Variants in UGT1A7 observed in about 807,000 individuals in gnomAD.
UGT1A7 encodes UDP glucuronosyltransferase family 1 member A7.
In UGT1A7, 33 loss-of-function variants were observed where a neutral mutation model predicts 45.6. The observed-to-expected ratio is 0.72, with a 90% CI of 0.55 to 0.97. The LOEUF (loss-of-function observed/expected upper bound fraction) is 0.97. Ranked by LOEUF, UGT1A7 falls within the 50% of genes least tolerant of loss-of-function variation. UGT1A7 has a pLI of 0.00. For synonymous variants in UGT1A7, 274 were observed against 250.6 expected, an observed-to-expected ratio of 1.09 and a Z score of -0.88; for missense variants, 684 against 666.2, an observed-to-expected ratio of 1.03 and a Z score of -0.29.
intron 3 of UGT1A7, 43 bp from the exon 4 acceptor site, chr2:233,768,177 T>A (rs371628620): frequency 6.8e-6 from 11 of 1,613,824 alleles, no homozygotes; most frequent in Non-Finnish European, 9.3e-6. Flanking sequence ...GCTGTGAAAC[T>A]CAGAGATGTA....
chr2:233,757,382 C>T (rs1017517189), intron 1 of UGT1A7, among the ~76,000 whole-genome samples: 3 of 151,230 alleles, frequency 2.0e-5, no homozygotes, highest in African/African-American at 7.3e-5. Flanking sequence ...AGATTCAGCA[C>T]TTACTTGCTG....
chr2:233,719,044 T>C (rs2076716677), intron 1 of UGT1A7: 2 of 1,614,154 alleles, frequency 1.2e-6, no homozygotes, highest in African/African-American at 1.3e-5. Flanking sequence ...GAGAAATTTT[T>C]CACCCTGACA....
chr2:233,740,052 T>C (rs368597738), intron 1 of UGT1A7, among the ~76,000 whole-genome samples: 5 of 151,870 alleles, frequency 3.3e-5, no homozygotes, highest in African/African-American at 1.2e-4. Context: ...CTTTCTCCTT[T>C]ACTCACAAGC....
chr2:233,719,370 G>T, intron 1 of UGT1A7: 1 of 1,613,830 alleles, frequency 6.2e-7, no homozygotes. Context: ...AGACTTTAAG[G>T]GCACACAGTG....
At chr2:233,738,868 CT>C (rs1348396739) in intron 1 of UGT1A7, 1 of 152,334 alleles carries the variant, frequency 6.6e-6, no homozygotes, top group South Asian at 2.1e-4. Flanking sequence ...GGGAAAATGG[CT>C]CCAGGGCATG....
In UGT1A7 at chr2:233,727,075, A is replaced by C. The variant is rs1559371928; in HGVS notation, c.856-39959A>C. 2.0e-5 allele frequency among the ~76,000 whole-genome samples: 3 copies of C among 152,212 alleles called. No individual in the cohort carries two copies. The South Asian group carries it at 6.2e-4, about 32-fold the overall frequency. On this transcript the variant is annotated intron_variant, in intron 1 of 4. Transcript: ENST00000373426. Reference sequence around the variant, plus strand: ...TGAAGATTAGTTTCTGTGTTCTCTTACAAACATTAAAGAATTCCAGTTTGT... The same window carrying C: ...TGAAGATTAGTTTCTGTGTTCTCTTCCAAACATTAAAGAATTCCAGTTTGT...
chr2:233,708,997 C>T (rs897190576), intron 1 of UGT1A7, among the ~76,000 whole-genome samples: 18 of 152,144 alleles, frequency 1.2e-4, no homozygotes, highest in African/African-American at 3.6e-4. Context: ...TGGCATCCTT[C>T]TCAGTGTCAT....
At chr2:233,691,527 A>G (rs2075047023) in intron 1 of UGT1A7, 2 of 985,494 alleles carry the variant, frequency 2.0e-6, no homozygotes, top group Admixed American at 6.1e-5. Context: ...GTGCATGACT[A>G]GCTCTGGGCA....
At chr2:233,765,607 G>A (rs1299491644) in intron 1 of UGT1A7, among the ~76,000 whole-genome samples, 2 of 151,978 alleles carry the variant, frequency 1.3e-5, no homozygotes, top group African/African-American at 4.8e-5. Context: ...GGCTTGTGGC[G>A]GGGTGAGGGG....
At position 233,701,169 on chromosome 2, in the gene UGT1A7, G is replaced by A. The variant is rs28899173; in HGVS notation, c.855+18377G>A. 9.8e-3 allele frequency among the ~76,000 whole-genome samples: 1,493 copies of A among 152,126 alleles called. 33 individuals are homozygous for A. Among genetic ancestry groups the A allele is most frequent in the African/African-American group, 0.033 (1,365 of 41,476 alleles). On this transcript the variant is annotated intron_variant, in intron 1 of 4. Coordinates refer to ENST00000373426, the MANE Select transcript of UGT1A7 (RefSeq NM_019077.3). ...AGTCTTTGCTATTGTGAATAGTGCC[G>A]TTATAAACATACATGTGCATGTGTC... is the stretch of plus-strand genomic sequence containing the variant.
Position 233,767,315 on chromosome 2 carries a change from T to C in UGT1A7, c.987+150T>C, listed in dbSNP as rs1407711365. 9 of 1,492,214 alleles carry C rather than the reference T, an allele frequency of 6.0e-6. No individual in the cohort carries two copies. The East Asian group carries it at 1.9e-4, about 32-fold the overall frequency. The allele number at this position is 1,492,214 out of a possible 1,614,324, so 92.4% of individuals were successfully genotyped here. A position where few individuals can be genotyped will look rare whatever the true frequency, so the allele number is the denominator to read the frequency against. The stretch of plus-strand genomic sequence containing the variant: ...ACTATTAATCCAAAGGTTTTTTTTG[T>C]TGTTGTGGTTGTTGTCATTGTTTTC... On this transcript the variant is annotated intron_variant, in intron 2 of 4. Coordinates refer to ENST00000373426, the MANE Select transcript of UGT1A7 (RefSeq NM_019077.3).
Position 233,688,853 on chromosome 2 carries a change from C to A in UGT1A7, c.855+6061C>A, listed in dbSNP as rs140817326. Among the ~76,000 whole-genome samples the A allele has an allele frequency of 5.9e-3, 898 of 152,136 alleles. 8 individuals carry two copies. The highest frequency in any genetic ancestry group is 9.7e-3 in the Non-Finnish European group (660 of 67,998). ...AGAAAAGGATGTAAAGAGAGCTGAT[C>A]ATAGGGGGCCTTGCAGGATAAGGAG... On this transcript the variant is annotated intron_variant, in intron 1 of 4. Transcript: ENST00000373426.
At chr2:233,720,428 A>C (rs1040145834) in intron 1 of UGT1A7, among the ~76,000 whole-genome samples, 1 of 152,036 alleles carries the variant, frequency 6.6e-6, no homozygotes, top group Non-Finnish European at 1.5e-5. Context: ...AGGAGATAAG[A>C]CCGTGAATCT....
chr2:233,700,361 G>A (rs764696456), intron 1 of UGT1A7, among the ~76,000 whole-genome samples: 35 of 152,274 alleles, frequency 2.3e-4, no homozygotes, highest in Middle Eastern at 3.4e-3. Flanking sequence ...CTTTATGGCT[G>A]ATTATCTGGG....
intron 1 of UGT1A7, among the ~76,000 whole-genome samples, chr2:233,696,871 T>C (rs1200790521): frequency 6.6e-6 from 1 of 152,242 alleles, no homozygotes; most frequent in Non-Finnish European, 1.5e-5. Context: ...TTTCAGCATC[T>C]ACAACATATG....
intron 1 of UGT1A7, among the ~76,000 whole-genome samples, chr2:233,706,893 G>A (rs2075929501): frequency 6.6e-6 from 1 of 152,182 alleles, no homozygotes; most frequent in South Asian, 2.1e-4. Context: ...CTGGTTGGAG[G>A]CATTTTACAA....
chr2:233,773,279 T>G lies in UGT1A7; in HGVS notation c.*720T>G, dbSNP rs1468042895. 1 of 152,208 alleles carries G rather than the reference T, an allele frequency of 6.6e-6. No homozygotes were observed. Among genetic ancestry groups the G allele is most frequent in the African/African-American group, 2.4e-5 (1 of 41,464 alleles). 9.4% of individuals were successfully genotyped at this position (152,208 alleles called of 1,614,324 possible). On this transcript the variant is annotated 3_prime_UTR_variant, in exon 5 of 5. Transcript: ENST00000373426. ...ATGTTTCCTACAACTAAAAATAAATTAATAAATTTATATAAATTCTATTTA... is the reference window on the plus strand; with the variant it reads ...ATGTTTCCTACAACTAAAAATAAATGAATAAATTTATATAAATTCTATTTA...
At chr2:233,683,620 T>G (rs1193714646) in intron 1 of UGT1A7, among the ~76,000 whole-genome samples, 1 of 152,194 alleles carries the variant, frequency 6.6e-6, no homozygotes, top group Non-Finnish European at 1.5e-5. Flanking sequence ...GATTCTGTTT[T>G]ATTTCCATAA....
At chr2:233,727,764 G>T (rs117456176) in intron 1 of UGT1A7, among the ~76,000 whole-genome samples, 2 of 152,186 alleles carry the variant, frequency 1.3e-5, no homozygotes, top group Non-Finnish European at 2.9e-5. Flanking sequence ...CTTGAGCTGG[G>T]TGTCCCCCAG....
Sources: allele counts gnomAD v4.1 joint callset (sites outside exome capture counted in the v4.1 genomes callset), GRCh38; gene constraint gnomAD v4.1.1; transcripts MANE v1.5; gene names NCBI Gene and HGNC (gene_info 2026-07-23, HGNC 2026-07-21).